The following DCHS1 variants were observed in gnomAD, a reference collection of about 807,000 sequenced individuals.
The protein encoded by DCHS1 is dachsous cadherin-related 1.
DCHS1 carries 78 observed loss-of-function variants against 213.9 expected under a neutral mutation model. The observed-to-expected ratio is 0.36, with a 90% confidence interval of 0.30 to 0.44. The LOEUF (loss-of-function observed/expected upper bound fraction) is 0.44. Ranked by LOEUF, DCHS1 falls within the 20% of genes least tolerant of loss-of-function variation. The pLI, the probability that DCHS1 is intolerant of heterozygous loss-of-function variation, is 1.00. For missense variants in DCHS1, 3,946 were observed against 4,395.9 expected (o/e 0.90, Z 2.89); for synonymous variants, 1,828 against 1,873.7 (o/e 0.98, Z 0.63).
Position 6,639,976 on chromosome 11 carries a change from C to G in DCHS1, c.1638G>C (p.Leu546=). The G allele has an allele frequency of 1.2e-6, 2 of 1,614,014 alleles. No homozygotes were observed. The highest frequency in any genetic ancestry group is 1.7e-6 in the Non-Finnish European group (2 of 1,179,880). Residue 546 remains leucine (L), a synonymous_variant, in exon 2 of 21, where the codon CTG becomes CTC. Coordinates refer to ENST00000299441, the MANE Select transcript of DCHS1 (RefSeq NM_003737.4). ...GGCCACCATCTGTGGCCACCACAAT[C>G]AGCTGTGGCTGAGGTTCCAACTCAT... ...LDYELEPQPQ[L]IVVATDGGLP...
In DCHS1 at chr11:6,629,542, T is replaced by C; in HGVS notation, c.5071A>G (p.Ser1691Gly). 1 of 1,613,662 alleles carries C rather than the reference T, an allele frequency of 6.2e-7. No individual in the cohort carries two copies. Among genetic ancestry groups the C allele is most frequent in the Non-Finnish European group, 8.5e-7 (1 of 1,179,732 alleles). The part of the protein sequence containing the change: ...NGQVTYGGVS[S>G]ESFSLDPDTG... ...TCAGGATCCAGAGAAAAGCTTTCGC[T>C]AGAGACGCCTCCATAAGTCACTTGC... is the stretch of plus-strand genomic sequence containing the variant. Residue 1691 changes from serine to glycine, a missense_variant, in exon 12 of 21, where the codon AGC becomes GGC. Transcript: ENST00000299441.
In DCHS1 at chr11:6,655,587, C is replaced by T. The variant is rs1393603018; in HGVS notation, c.-145G>A. On this transcript the variant is annotated 5_prime_UTR_variant, in exon 1 of 21. Transcript: ENST00000299441. Reference sequence around the variant, plus strand: ...CCTCCGCGCGACGCGGGCTCCCTCGCCCGGTGCTGGGGCGCCGTCCGGCCG... The same window carrying T: ...CCTCCGCGCGACGCGGGCTCCCTCGTCCGGTGCTGGGGCGCCGTCCGGCCG... The T allele has an allele frequency of 1.0e-6, 1 of 980,360 alleles. No individual in the cohort carries two copies. Among genetic ancestry groups the T allele is most frequent in the Non-Finnish European group, 1.2e-6 (1 of 828,016 alleles). 60.7% of individuals were successfully genotyped at this position (980,360 alleles called of 1,614,324 possible).
Position 6,621,707 on chromosome 11 carries a change from G to T in DCHS1, c.*72C>A. ...CCAGTCATAGTCCGAGGCTGCCCAG[G>T]GCAGGCTCAGAGTGGGGCCTGCGTT... On this transcript the variant is annotated 3_prime_UTR_variant, in exon 21 of 21. Transcript: ENST00000299441. The T allele has an allele frequency of 6.6e-7, 1 of 1,514,030 alleles. No homozygotes were observed. Among genetic ancestry groups the T allele is most frequent in the Non-Finnish European group, 8.9e-7 (1 of 1,125,008 alleles). The allele number at this position is 1,514,030 out of a possible 1,614,324, so 93.8% of individuals were successfully genotyped here.
intron 1 of DCHS1, among the ~76,000 whole-genome samples, chr11:6,652,609 A>G (rs1427137900): frequency 2.0e-5 from 3 of 152,144 alleles, no homozygotes; most frequent in South Asian, 2.1e-4. Flanking sequence ...GAGGAAGGGG[A>G]TGGGATCCGT....
chr11:6,625,018 A>C lies in DCHS1; in HGVS notation c.7147-150T>G. The C allele has an allele frequency of 7.2e-7, 1 of 1,392,466 alleles. No individual in the cohort carries two copies. Among genetic ancestry groups the C allele is most frequent in the Non-Finnish European group, 9.8e-7 (1 of 1,025,098 alleles). 86.3% of individuals were successfully genotyped at this position (1,392,466 alleles called of 1,614,324 possible). ...CTAAGTATTCGAATGGGAAATGCCC[A>C]CCTTCTCCCCTTTCTGGGTACAGGA... On this transcript the variant is annotated intron_variant, in intron 19 of 20. Transcript: ENST00000299441. The surrounding 1 kb of genome is among the most constrained non-coding windows in gnomAD (Gnocchi z 5.3).
intron 2 of DCHS1, among the ~76,000 whole-genome samples, chr11:6,638,600 AG>A (rs1187715757): frequency 2.0e-5 from 3 of 152,094 alleles, no homozygotes; most frequent in Non-Finnish European, 4.4e-5. Flanking sequence ...TAGTTCTTCA[AG>A]GCCCCTCCTC....
In DCHS1 at chr11:6,632,483, G is replaced by C. The variant is rs1855926176; in HGVS notation, c.3029C>G (p.Pro1010Arg). 6.3e-7 allele frequency: 1 copy of C among 1,584,190 alleles called. No individual in the cohort carries two copies. ...CTGAGTTCCAGCAGTGGTGCCTGAG[G>C]GCAGGTCCACACGGTAGGTAGGGCT... is the stretch of plus-strand genomic sequence containing the variant. ...FNSPTYRVDLPSGTTAGTQVL... is the reference protein window; with the variant it reads ...FNSPTYRVDLRSGTTAGTQVL... Residue 1010 changes from proline to arginine, a missense_variant, in exon 6 of 21, where the codon CCC becomes CGC. Physicochemically the swap from Pro to Arg is moderately radical, Grantham distance 103. Transcript: ENST00000299441. This position sits in a 1 kb window ranked among gnomAD's most constrained non-coding sequence, Gnocchi z 5.9.
chr11:6,638,000 C>A (rs569164033), intron 2 of DCHS1, among the ~76,000 whole-genome samples: 1 of 152,272 alleles, frequency 6.6e-6, no homozygotes, highest in Non-Finnish European at 1.5e-5. Context: ...CTCCAGGAAA[C>A]CACCTGGAGA....
chr11:6,625,994 C>A lies in DCHS1; in HGVS notation c.6657G>T (p.Leu2219Phe). ...TGCCTGTGGTTGGGTCTACGTGGAA[C>A]AATCCACGTGCCGGCTGGGATGCAG... is the stretch of plus-strand genomic sequence containing the variant. ...SLAASQPARG[L>F]FHVDPTTGTI... The change falls in exon 17 of 21, where the codon TTG (leucine) becomes TTT (phenylalanine). Residue 2219 changes from leucine (L) to phenylalanine (F), a missense_variant. Around this residue, in one of 3 missense-constraint regions of DCHS1, gnomAD observed 3,384 missense variants for 3,780.1 expected, o/e 0.90. Coordinates refer to ENST00000299441, the MANE Select transcript of DCHS1 (RefSeq NM_003737.4). This position sits in a 1 kb window ranked among gnomAD's most constrained non-coding sequence, Gnocchi z 5.3. The A allele has an allele frequency of 1.2e-6, 2 of 1,613,388 alleles. No homozygotes were observed. Among genetic ancestry groups the A allele is most frequent in the Non-Finnish European group, 1.7e-6 (2 of 1,179,634 alleles).
Position 6,627,159 on chromosome 11 carries a change from G to T in DCHS1, c.5880C>A (p.Phe1960Leu). The change falls in exon 14 of 21, where the codon TTC becomes TTA. Residue 1960 changes from phenylalanine to leucine, a missense_variant. By Grantham distance (22) the Phe-to-Leu change is conservative (BLOSUM62 0). This residue lies in a region of DCHS1 where 3,384 missense variants were observed against 3,780.1 expected (regional missense o/e 0.90). Coordinates refer to ENST00000299441, the MANE Select transcript of DCHS1 (RefSeq NM_003737.4). The surrounding 1 kb of genome is among the most constrained non-coding windows in gnomAD (Gnocchi z 5.4). ...VRDVNDHAPT[F>L]PTSPLRLRLP... ...GACGTAGGCGCAGAGGACTGGTGGGGAAGGTGGGTGCATGGTCATTGACAT... is the reference window on the plus strand; with the variant it reads ...GACGTAGGCGCAGAGGACTGGTGGGTAAGGTGGGTGCATGGTCATTGACAT... 6.2e-7 allele frequency: 1 copy of T among 1,612,150 alleles called. No homozygotes were observed. The highest frequency in any genetic ancestry group is 2.2e-5 in the East Asian group (1 of 44,838).
intron 1 of DCHS1, among the ~76,000 whole-genome samples, chr11:6,643,457 T>C (rs1856111087): frequency 6.6e-6 from 1 of 152,196 alleles, no homozygotes; most frequent in African/African-American, 2.4e-5. Flanking sequence ...CGGGTTATTC[T>C]GGAACTCTGA....
In DCHS1 at chr11:6,625,474, T is replaced by A. The variant is rs781285853; in HGVS notation, c.6870A>T (p.Leu2290Phe). The A allele has an allele frequency of 6.2e-7, 1 of 1,603,364 alleles. No individual in the cohort carries two copies. Among genetic ancestry groups the A allele is most frequent in the Non-Finnish European group, 8.5e-7 (1 of 1,174,472 alleles). ...PWELRVSEDA[L>F]LGSEIAQVTG... ...TTACCTGTGCAATCTCTGAGCCCAA[T>A]AACGCATCTGGAATACATGAGACTA... Residue 2290 changes from leucine (L) to phenylalanine (F), a missense_variant, in exon 19 of 21, where the codon TTA (leucine) becomes TTT (phenylalanine). This residue lies in a region of DCHS1 where 3,384 missense variants were observed against 3,780.1 expected (regional missense o/e 0.90). Coordinates refer to ENST00000299441, the MANE Select transcript of DCHS1 (RefSeq NM_003737.4). This position sits in a 1 kb window ranked among gnomAD's most constrained non-coding sequence, Gnocchi z 5.3.
At position 6,627,664 on chromosome 11, in the gene DCHS1, C is replaced by G. The variant is rs747362482; in HGVS notation, c.5375G>C (p.Gly1792Ala). 4 of 1,611,164 alleles carry G rather than the reference C, an allele frequency of 2.5e-6. No individual in the cohort carries two copies. In the East Asian group the frequency reaches 8.9e-5, roughly 36 times the overall value. ...TAGGACAAAGGCTCCTGATGGGTCC[C>G]CATCTGCAGAGAAGGGCATGCACAT... ...NGQLQYRILD[G>A]DPSGAFVLDL... The change falls in exon 14 of 21, where the codon GGG becomes GCG. Residue 1792 changes from glycine to alanine, a missense_variant. Transcript: ENST00000299441. The surrounding 1 kb of genome is among the most constrained non-coding windows in gnomAD (Gnocchi z 5.4).
At position 6,622,645 on chromosome 11, in the gene DCHS1, C is replaced by T; in HGVS notation, c.9031G>A (p.Gly3011Ser). 1 of 1,590,248 alleles carries T rather than the reference C, an allele frequency of 6.3e-7. No homozygotes were observed. Residue 3011 changes from glycine to serine, a missense_variant, in exon 21 of 21, where the codon GGT (glycine) becomes AGT (serine). Gly to Ser is a moderately conservative substitution (Grantham distance 56). Coordinates refer to ENST00000299441, the MANE Select transcript of DCHS1 (RefSeq NM_003737.4). The surrounding 1 kb of genome is among the most constrained non-coding windows in gnomAD (Gnocchi z 5.4). ...TAGGGTCCTCCAGCTCCTGGCCCAC[C>T]ATAGCTGGGAAGAGTCTGGTGATAG... ...HLYHQTLPSY[G>S]GPGAGGPYPR...
In DCHS1 at chr11:6,639,919, G is replaced by A. The variant is rs769519294; in HGVS notation, c.1695C>T (p.Ser565=). 2.4e-5 allele frequency: 39 copies of A among 1,613,888 alleles called. No homozygotes were observed. Among genetic ancestry groups the A allele is most frequent in the South Asian group, 2.3e-4 (21 of 91,092 alleles). ...TATCATTCACATCTTGCAGGGCCAC[G>A]CTAACTGTGGCAGAGGAGGCTAGAG... is the stretch of plus-strand genomic sequence containing the variant. ...LPPLASSATV[S]VALQDVNDNE... The change falls in exon 2 of 21, where the codon AGC becomes AGT. Residue 565 remains serine, a synonymous_variant. Transcript: ENST00000299441.
chr11:6,632,925 G>C lies in DCHS1; in HGVS notation c.2587C>G (p.Leu863Val). Residue 863 changes from leucine (L) to valine (V), a missense_variant, in exon 6 of 21, where the codon CTG becomes GTG. Around this residue, in one of 3 missense-constraint regions of DCHS1, gnomAD observed 3,384 missense variants for 3,780.1 expected, o/e 0.90. Coordinates refer to ENST00000299441, the MANE Select transcript of DCHS1 (RefSeq NM_003737.4). This position sits in a 1 kb window ranked among gnomAD's most constrained non-coding sequence, Gnocchi z 5.9. ...DRELLGPVLELEVRAGSGVPP... is the reference protein window; with the variant it reads ...DRELLGPVLEVEVRAGSGVPP... ...ACTCCACTGCCTGCTCGCACCTCCA[G>C]CTCCAACACTGGTCCCAGTAGCTCC... 1.2e-6 allele frequency: 2 copies of C among 1,614,060 alleles called. No individual in the cohort carries two copies. The highest frequency in any genetic ancestry group is 1.7e-6 in the Non-Finnish European group (2 of 1,179,886).
chr11:6,634,418 G>C, intron 2 of DCHS1, 112 bp from the exon 3 acceptor site: 2 of 1,251,468 alleles, frequency 1.6e-6, no homozygotes, highest in Non-Finnish European at 2.2e-6. Context: ...CGGACACACA[G>C]AGAGGACTAG....
At chr11:6,652,066 A>T (rs1856253200) in intron 1 of DCHS1, among the ~76,000 whole-genome samples, 2 of 152,248 alleles carry the variant, frequency 1.3e-5, no homozygotes, top group Non-Finnish European at 2.9e-5. Context: ...TTTAAGGAAC[A>T]GTGACATTCA....
At position 6,630,425 on chromosome 11, in the gene DCHS1, T is replaced by A; in HGVS notation, c.4369A>T (p.Thr1457Ser). 6.8e-7 allele frequency: 1 copy of A among 1,476,654 alleles called. No individual in the cohort carries two copies. The highest frequency in any genetic ancestry group is 2.9e-5 in the East Asian group (1 of 34,850). 91.5% of individuals were successfully genotyped at this position (1,476,654 alleles called of 1,614,324 possible). ...CCGTCGGCGTCCGACGCGCGGAAAGTGTACAGCGCTGCGCCGGGCTCCGGG... is the reference window on the plus strand; with the variant it reads ...CCGTCGGCGTCCGACGCGCGGAAAGAGTACAGCGCTGCGCCGGGCTCCGGG... ...ENPEPGAALY[T>S]FRASDADGPG... Residue 1457 changes from threonine to serine, a missense_variant, in exon 10 of 21, where the codon ACT (threonine) becomes TCT (serine). Thr to Ser is a moderately conservative substitution (Grantham distance 58). This residue lies in a region of DCHS1 where 3,384 missense variants were observed against 3,780.1 expected (regional missense o/e 0.90). Coordinates refer to ENST00000299441, the MANE Select transcript of DCHS1 (RefSeq NM_003737.4).
Sources: gnomAD v4.1 joint callset for allele counts (sites outside exome capture counted in the v4.1 genomes callset) on GRCh38, gnomAD v4.1.1 for gene constraint, gnomAD v4.1.1 regional missense constraint, Gnocchi (gnomAD v3.1) non-coding constraint, MANE v1.5 for transcripts, NCBI Gene and HGNC (gene_info 2026-07-23, HGNC 2026-07-21) for gene names.